Variants in IFNG-AS1 observed in about 807,000 individuals in gnomAD.
The protein encoded by IFNG-AS1 is IFNG antisense RNA 1 (non-protein coding).
intron 1 of IFNG-AS1, among the ~76,000 whole-genome samples, chr12:67,989,762 G>A (rs1366133047): frequency 1.3e-5 from 2 of 152,136 alleles, no homozygotes; most frequent in East Asian, 1.9e-4. Context: ...TGGAGAGGAG[G>A]AAGGAGACCC....
intron 1 of IFNG-AS1, among the ~76,000 whole-genome samples, chr12:67,995,458 C>T (rs1226385240): frequency 7.0e-6 from 1 of 142,038 alleles, no homozygotes; most frequent in Non-Finnish European, 1.5e-5. Flanking sequence ...CACTGTGGCT[C>T]ACGCCTGTAA....
intron 2 of IFNG-AS1, among the ~76,000 whole-genome samples, chr12:68,003,948 C>T (rs1408466535): frequency 1.6e-4 from 6 of 38,644 alleles, no homozygotes; most frequent in Admixed American, 5.9e-4. Context: ...GGCCACTATC[C>T]GAGGCTATGT....
Position 68,014,463 on chromosome 12 carries a change from GT to G in IFNG-AS1, n.242-5393del, listed in dbSNP as rs531049193. The stretch of plus-strand genomic sequence containing the variant: ...TGCCAACATCTACTGGTTTTGTTTT[GT>G]TTTTTATTATTATGGCTATTCTTGC... On this transcript the variant is annotated intron_variant and non_coding_transcript_variant, in intron 3 of 5. Transcript: ENST00000536914. Among the ~76,000 whole-genome samples, 323 of 152,208 alleles carry G rather than the reference GT, an allele frequency of 2.1e-3. 1 individual carries two copies. Among genetic ancestry groups the G allele is most frequent in the Middle Eastern group, 0.01 (3 of 294 alleles).
intron 3 of IFNG-AS1, among the ~76,000 whole-genome samples, chr12:68,013,282 T>C (rs1565691842): frequency 1.3e-5 from 2 of 152,348 alleles, no homozygotes; most frequent in East Asian, 3.9e-4. Context: ...TTCCTCTCAA[T>C]GCATTGGTGG....
At chr12:67,997,630 A>G (rs562222152) in intron 2 of IFNG-AS1, among the ~76,000 whole-genome samples, 9 of 147,632 alleles carry the variant, frequency 6.1e-5, no homozygotes, top group Non-Finnish European at 1.3e-4. Flanking sequence ...AGAGGCAATT[A>G]AAAAAAAAAG....
At chr12:68,019,011 T>C (rs941882313) in intron 3 of IFNG-AS1, among the ~76,000 whole-genome samples, 1 of 152,118 alleles carries the variant, frequency 6.6e-6, no homozygotes, top group Non-Finnish European at 1.5e-5. Flanking sequence ...CCATAAAGTG[T>C]GCAGGAGGTA....
chr12:68,006,441 C>T (rs1166255394), intron 3 of IFNG-AS1, among the ~76,000 whole-genome samples: 2 of 151,900 alleles, frequency 1.3e-5, no homozygotes, highest in Non-Finnish European at 1.5e-5. Flanking sequence ...CTAATGAAAC[C>T]ATCAGTATTT....
chr12:68,017,504 G>A (rs558330996), intron 3 of IFNG-AS1, among the ~76,000 whole-genome samples: 1 of 152,220 alleles, frequency 6.6e-6, no homozygotes, highest in South Asian at 2.1e-4. Context: ...AATTTTTGGT[G>A]GAGAATTGAG....
At chr12:67,990,839 G>A (rs1189423699) in intron 1 of IFNG-AS1, among the ~76,000 whole-genome samples, 4 of 152,022 alleles carry the variant, frequency 2.6e-5, no homozygotes, top group East Asian at 1.9e-4. Context: ...TGATCCGCCC[G>A]CCTCGGCCTC....
intron 3 of IFNG-AS1, among the ~76,000 whole-genome samples, chr12:68,019,629 G>C (rs73324889): frequency 0.022 from 3,314 of 152,226 alleles, 139 homozygotes; most frequent in African/African-American, 0.076. Context: ...CACTAGAGTA[G>C]GTGCCTCTAA....
chr12:68,012,574 G>A (rs971889089), intron 3 of IFNG-AS1, among the ~76,000 whole-genome samples: 1 of 152,212 alleles, frequency 6.6e-6, no homozygotes, highest in Non-Finnish European at 1.5e-5. Flanking sequence ...AAGAATTCAT[G>A]TCAAAGCCAC....
At chr12:68,015,542 T>C (rs1018327038) in intron 3 of IFNG-AS1, among the ~76,000 whole-genome samples, 1 of 152,144 alleles carries the variant, frequency 6.6e-6, no homozygotes, top group African/African-American at 2.4e-5. Flanking sequence ...ACTAGAGATT[T>C]CCCATTTCCA....
At chr12:67,990,455 G>C (rs982476533) in intron 1 of IFNG-AS1, among the ~76,000 whole-genome samples, 6 of 152,142 alleles carry the variant, frequency 3.9e-5, no homozygotes, top group Non-Finnish European at 7.4e-5. Context: ...TGAATTAAGG[G>C]AACAAAGTTA....
intron 3 of IFNG-AS1, among the ~76,000 whole-genome samples, chr12:68,015,847 C>A (rs1441241195): frequency 6.6e-6 from 1 of 151,968 alleles, no homozygotes; most frequent in Non-Finnish European, 1.5e-5. Flanking sequence ...ACCAGTATAG[C>A]GTGGAGGTTA....
At chr12:67,996,624 A>G (rs1164301217) in intron 2 of IFNG-AS1, among the ~76,000 whole-genome samples, 2 of 152,182 alleles carry the variant, frequency 1.3e-5, no homozygotes, top group Non-Finnish European at 2.9e-5. Context: ...CAAGTAGACA[A>G]AGAAGGATGG....
chr12:68,009,067 T>C (rs77806501), intron 3 of IFNG-AS1, among the ~76,000 whole-genome samples: 16,627 of 152,264 alleles, frequency 0.11, 1,175 homozygotes, highest in East Asian at 0.25. Flanking sequence ...AGGCAAAATA[T>C]CTCCCCTCCT....
intron 2 of IFNG-AS1, among the ~76,000 whole-genome samples, chr12:67,998,281 A>T (rs1879687857): frequency 6.6e-6 from 1 of 152,104 alleles, no homozygotes; most frequent in Non-Finnish European, 1.5e-5. Flanking sequence ...GTACCTCTAC[A>T]GGCTCTAAGA....
At chr12:68,002,844 A>C (rs1188917006) in intron 2 of IFNG-AS1, among the ~76,000 whole-genome samples, 1 of 152,208 alleles carries the variant, frequency 6.6e-6, no homozygotes, top group Non-Finnish European at 1.5e-5. Flanking sequence ...CTGATGCTGC[A>C]TTTGTGCAGC....
At chr12:68,012,508 G>C (rs1245862303) in intron 3 of IFNG-AS1, among the ~76,000 whole-genome samples, 1 of 152,194 alleles carries the variant, frequency 6.6e-6, no homozygotes, top group Admixed American at 6.5e-5. Context: ...GGAAAGGAGA[G>C]TAAAGGAATG....
Sources: gnomAD v4.1 joint callset for allele counts (sites outside exome capture counted in the v4.1 genomes callset) on GRCh38, gnomAD v4.1.1 for gene constraint, MANE v1.5 for transcripts, NCBI Gene and HGNC (gene_info 2026-07-23, HGNC 2026-07-21) for gene names.